Variants in ENOX2 observed in about 807,000 individuals in gnomAD.
The protein encoded by ENOX2 is APK1 antigen.
ENOX2 carries 36 observed loss-of-function variants against 45.0 expected under a neutral mutation model. The ratio of observed to expected loss-of-function variants is 0.80; its 90% CI spans 0.61 to 1.06. ENOX2 has a LOEUF of 1.06. Ranked by LOEUF, ENOX2 falls within the 50% of genes least tolerant of loss-of-function variation. The pLI, the probability that ENOX2 is intolerant of heterozygous loss-of-function variation, is 0.00. For synonymous variants in ENOX2, 174 were observed against 152.3 expected (o/e 1.14, Z -1.05); for missense variants, 423 against 462.5 (o/e 0.91, Z 0.78).
At chrX:130,720,644 C>G (rs2038450386) in intron 3 of ENOX2, among the ~76,000 whole-genome samples, 1 of 112,145 alleles carries the variant, frequency 8.9e-6, no homozygotes, top group African/African-American at 3.2e-5. Context: ...AGTTCAGAAA[C>G]AGTATAATCC....
chrX:130,770,109 C>T (rs1024086485), intron 3 of ENOX2, among the ~76,000 whole-genome samples: 3 of 111,204 alleles, frequency 2.7e-5, no homozygotes, highest in Admixed American at 9.5e-5. Flanking sequence ...TTAGAATGAC[C>T]AGAATTTATA....
At chrX:130,627,642 T>G (rs768336556) in intron 14 of ENOX2, among the ~76,000 whole-genome samples, 1 of 111,416 alleles carries the variant, frequency 9.0e-6, no homozygotes, top group Non-Finnish European at 1.9e-5. Flanking sequence ...TACAGGTAAA[T>G]TAAGAGAGGA....
At chrX:130,871,954 G>T (rs931210059) in intron 2 of ENOX2, among the ~76,000 whole-genome samples, 2 of 111,966 alleles carry the variant, frequency 1.8e-5, no homozygotes, top group Non-Finnish European at 3.8e-5. Flanking sequence ...TGTGGAAAAA[G>T]TATTTTTAAA....
intron 2 of ENOX2, among the ~76,000 whole-genome samples, chrX:130,885,446 T>A (rs1289518329): frequency 1.8e-5 from 2 of 112,224 alleles, no homozygotes; most frequent in Non-Finnish European, 3.8e-5. Context: ...AGAAAGTATA[T>A]ATTAAATCAC....
chrX:130,837,193 T>G (rs909272660), intron 2 of ENOX2, among the ~76,000 whole-genome samples: 1 of 112,324 alleles, frequency 8.9e-6, no homozygotes, highest in African/African-American at 3.2e-5. Flanking sequence ...TTAATGGATT[T>G]CTTTTGACCT....
intron 2 of ENOX2, among the ~76,000 whole-genome samples, chrX:130,814,006 G>A (rs952354036): frequency 1.8e-5 from 2 of 112,231 alleles, no homozygotes; most frequent in African/African-American, 3.2e-5. Context: ...TGAAATTCTC[G>A]CTGCTAGCAC....
chrX:130,786,173 T>A (rs1336950511), intron 2 of ENOX2, among the ~76,000 whole-genome samples: 1 of 112,372 alleles, frequency 8.9e-6, no homozygotes, highest in East Asian at 2.8e-4. Flanking sequence ...CTCATTCTTT[T>A]AACCCATGTA....
chrX:130,716,818 C>A (rs1306503205), intron 3 of ENOX2, among the ~76,000 whole-genome samples: 2 of 112,237 alleles, frequency 1.8e-5, no homozygotes, highest in African/African-American at 6.5e-5. Context: ...AACAGTAGTC[C>A]AAATAGCAAA....
intron 2 of ENOX2, among the ~76,000 whole-genome samples, chrX:130,869,378 C>T (rs556260157): frequency 1.1e-3 from 120 of 111,446 alleles, no homozygotes; most frequent in Non-Finnish European, 1.9e-3. Flanking sequence ...AATCCACATT[C>T]CTTAGCACAG....
chrX:130,714,616 G>A (rs1426888320), intron 3 of ENOX2, among the ~76,000 whole-genome samples: 1 of 111,509 alleles, frequency 9.0e-6, no homozygotes. Flanking sequence ...TGAATCTTTG[G>A]TGAAGTTATT....
chrX:130,736,975 G>T (rs1272910882), intron 3 of ENOX2, among the ~76,000 whole-genome samples: 1 of 112,147 alleles, frequency 8.9e-6, no homozygotes, highest in Non-Finnish European at 1.9e-5. Context: ...ACTCAGAAGG[G>T]TTGAAGAATT....
At chrX:130,727,967 G>T (rs961495908) in intron 3 of ENOX2, among the ~76,000 whole-genome samples, 4 of 111,864 alleles carry the variant, frequency 3.6e-5, no homozygotes, top group African/African-American at 1.3e-4. Flanking sequence ...CACCCTTGTT[G>T]CCTGCTCTGT....
At chrX:130,847,939 GCT>G (rs1357588613) in intron 2 of ENOX2, among the ~76,000 whole-genome samples, 2 of 111,592 alleles carry the variant, frequency 1.8e-5, no homozygotes, top group African/African-American at 6.5e-5. Flanking sequence ...CAGTTTCAAA[GCT>G]CTCTAAAAAT....
At chrX:130,878,229 T>C (rs1361968276) in intron 2 of ENOX2, among the ~76,000 whole-genome samples, 1 of 112,420 alleles carries the variant, frequency 8.9e-6, no homozygotes, top group Non-Finnish European at 1.9e-5. Flanking sequence ...AGAAATGTTC[T>C]GGAGAGTTTG....
At chrX:130,666,032 G>GTGAA (rs1229138318) in intron 8 of ENOX2, among the ~76,000 whole-genome samples, 1 of 111,269 alleles carries the variant, frequency 9.0e-6, no homozygotes, top group African/African-American at 3.3e-5. Context: ...TACAGGCATT[G>GTGAA]TGAATTCATG....
At chrX:130,694,626 G>T (rs2037704410) in intron 4 of ENOX2, among the ~76,000 whole-genome samples, 1 of 97,279 alleles carries the variant, frequency 1.0e-5, no homozygotes, top group African/African-American at 3.8e-5. Context: ...TTTTGAGATG[G>T]AGTCTCGCTC....
At chrX:130,736,872 T>C (rs1184390561) in intron 3 of ENOX2, among the ~76,000 whole-genome samples, 1 of 111,779 alleles carries the variant, frequency 8.9e-6, no homozygotes, top group Non-Finnish European at 1.9e-5. Context: ...ACTCTCTATA[T>C]TGGGGCCATG....
rs1443618907 is a variant in ENOX2, at chrX:130,703,130, T to C, written c.87A>G (p.Pro29=). The C allele has an allele frequency of 8.3e-7, 1 of 1,205,103 alleles. No homozygotes were observed. Among genetic ancestry groups the C allele is most frequent in the Admixed American group, 2.2e-5 (1 of 45,072 alleles). ...GMAPLGIAGQ[P]ILPDFDPALG... is the part of the protein sequence containing the mutation. ...TTAAAAATAACATACCAGGTAAAATTGGTTGTCCGGCAATTCCCAGCGGTG... is the reference window on the plus strand; with the variant it reads ...TTAAAAATAACATACCAGGTAAAATCGGTTGTCCGGCAATTCCCAGCGGTG... The change falls in exon 4 of 15, where the codon CCA becomes CCG. Residue 29 remains proline (P), a synonymous_variant. Coordinates refer to ENST00000394363, the MANE Select transcript of ENOX2 (RefSeq NM_006375.4).
At chrX:130,814,837 T>C (rs1363281190) in intron 2 of ENOX2, among the ~76,000 whole-genome samples, 2 of 111,495 alleles carry the variant, frequency 1.8e-5, no homozygotes, top group African/African-American at 6.5e-5. Context: ...GAACGCCTCT[T>C]TTCCTTCAAA....
Sources: gnomAD v4.1 joint callset for allele counts (sites outside exome capture counted in the v4.1 genomes callset) on GRCh38, gnomAD v4.1.1 for gene constraint, MANE v1.5 for transcripts, NCBI Gene and HGNC (gene_info 2026-07-23, HGNC 2026-07-21) for gene names.